SGCD: variants seen among roughly 807,000 people sequenced by gnomAD.
SGCD encodes sarcoglycan delta.
In SGCD, 18 loss-of-function variants were observed where a neutral mutation model predicts 36.6. That is an observed-to-expected ratio of 0.49 (90% CI 0.34 to 0.73). The LOEUF is 0.73. Among genes scored for constraint, SGCD ranks in the 30% least tolerant of loss-of-function variants. SGCD has a pLI of 0.01. For missense variants in SGCD, 387 were observed against 346.7 expected (o/e 1.12, Z -0.92); for synonymous variants, 133 against 130.6 (o/e 1.02, Z -0.12).
chr5:156,744,064 C>T (rs1196609318), intron 7 of SGCD, among the ~76,000 whole-genome samples: 1 of 152,234 alleles, frequency 6.6e-6, no homozygotes, highest in African/African-American at 2.4e-5. Flanking sequence ...TGGTGCACAC[C>T]TGTAATCCCA....
chr5:155,949,789 G>A (rs370626126), intron 1 of SGCD, among the ~76,000 whole-genome samples: 14 of 152,102 alleles, frequency 9.2e-5, no homozygotes, highest in South Asian at 6.2e-4. Context: ...CACCTGGCCC[G>A]CAAAGCTGAA....
intron 4 of SGCD, among the ~76,000 whole-genome samples, chr5:156,545,335 C>T (rs1758526932): frequency 6.6e-6 from 1 of 152,110 alleles, no homozygotes; most frequent in Non-Finnish European, 1.5e-5. Flanking sequence ...CTAATCCCAG[C>T]ACTGCCACTG....
the SGCD span, among the ~76,000 whole-genome samples, chr5:155,818,838 C>A: frequency 0.51 from 77,583 of 152,030 alleles, 20,191 homozygotes; most frequent in Admixed American, 0.66. Context: ...GAGATACTTA[C>A]GGAGAGTGAC....
intron 3 of SGCD, among the ~76,000 whole-genome samples, chr5:156,298,885 T>C (rs1365319058): frequency 1.3e-5 from 2 of 152,218 alleles, no homozygotes; most frequent in African/African-American, 4.8e-5. Context: ...TTTTCTTTCA[T>C]TGTTTGAGTT....
intron 7 of SGCD, among the ~76,000 whole-genome samples, chr5:156,669,812 CT>C (rs1753213256): frequency 6.6e-6 from 1 of 152,192 alleles, no homozygotes; most frequent in Admixed American, 6.5e-5. Context: ...TTGATTGTAA[CT>C]GTGATCCATA....
At chr5:155,952,159 ATT>A (rs2113432480) in intron 1 of SGCD, among the ~76,000 whole-genome samples, 1 of 152,254 alleles carries the variant, frequency 6.6e-6, no homozygotes, top group South Asian at 2.1e-4. Context: ...GATTCATAAA[ATT>A]TGTGCTGGAG....
intron 3 of SGCD, among the ~76,000 whole-genome samples, chr5:156,226,385 C>T (rs377759268): frequency 2.1e-4 from 32 of 152,230 alleles, no homozygotes; most frequent in Middle Eastern, 6.8e-3. Context: ...CAGGTCACTG[C>T]GACTGCCATT....
At chr5:155,999,842 T>C (rs1758627796) in intron 1 of SGCD, among the ~76,000 whole-genome samples, 1 of 152,244 alleles carries the variant, frequency 6.6e-6, no homozygotes, top group South Asian at 2.1e-4. Flanking sequence ...ATTGACTTTT[T>C]TGTATTCTGT....
At chr5:156,029,618 T>TGC (rs1759299566) in intron 1 of SGCD, among the ~76,000 whole-genome samples, 9 of 152,120 alleles carry the variant, frequency 5.9e-5, no homozygotes, top group Admixed American at 5.9e-4. Flanking sequence ...AGAAACAGAA[T>TGC]TTAGAAGCCA....
chr5:155,975,248 C>T (rs1303432808), intron 1 of SGCD, among the ~76,000 whole-genome samples: 1 of 152,158 alleles, frequency 6.6e-6, no homozygotes, highest in Non-Finnish European at 1.5e-5. Context: ...TTATTGAAGG[C>T]CTATTGGGGG....
At chr5:155,891,188 T>C (rs1756121126) in intron 1 of SGCD, among the ~76,000 whole-genome samples, 1 of 152,190 alleles carries the variant, frequency 6.6e-6, no homozygotes, top group Admixed American at 6.5e-5. Flanking sequence ...CAGATCCACT[T>C]TCTGGGCCCT....
chr5:156,690,644 A>G (rs980425616), intron 7 of SGCD, among the ~76,000 whole-genome samples: 1 of 152,188 alleles, frequency 6.6e-6, no homozygotes, highest in Non-Finnish European at 1.5e-5. Context: ...ACAATTATAA[A>G]TAGAAGACAT....
chr5:156,539,501 C>T (rs749907645), intron 4 of SGCD, among the ~76,000 whole-genome samples: 4 of 151,948 alleles, frequency 2.6e-5, no homozygotes, highest in Non-Finnish European at 4.4e-5. Context: ...TAAGTGAGGA[C>T]ATAGGATATT....
chr5:156,430,782 G>A (rs758289460), intron 3 of SGCD, among the ~76,000 whole-genome samples: 1 of 152,078 alleles, frequency 6.6e-6, no homozygotes, highest in African/African-American at 2.4e-5. Context: ...GGGATTATTT[G>A]TGTGCTGGCT....
chr5:156,631,673 A>G (rs987466880), intron 6 of SGCD, among the ~76,000 whole-genome samples: 5 of 152,038 alleles, frequency 3.3e-5, no homozygotes, highest in Non-Finnish European at 4.4e-5. Flanking sequence ...TCTTATACCA[A>G]TTCACGTTAG....
intron 1 of SGCD, among the ~76,000 whole-genome samples, chr5:156,030,330 G>T (rs1190232971): frequency 6.6e-6 from 1 of 152,186 alleles, no homozygotes; most frequent in Admixed American, 6.5e-5. Flanking sequence ...GGGTAAGAGT[G>T]AGTCCTAATC....
intron 1 of SGCD, among the ~76,000 whole-genome samples, chr5:155,924,588 A>T (rs1021253467): frequency 3.9e-5 from 6 of 152,220 alleles, no homozygotes; most frequent in African/African-American, 1.4e-4. Context: ...GAAGAGTGGA[A>T]TGAATTGTTA....
At chr5:155,928,443 G>T (rs1246688010) in intron 1 of SGCD, among the ~76,000 whole-genome samples, 1 of 151,984 alleles carries the variant, frequency 6.6e-6, no homozygotes, top group Non-Finnish European at 1.5e-5. Context: ...CAGGGTGGGT[G>T]GATCTCCTGA....
intron 3 of SGCD, among the ~76,000 whole-genome samples, chr5:156,491,692 A>G (rs1406492723): frequency 1.3e-5 from 2 of 152,072 alleles, no homozygotes; most frequent in Non-Finnish European, 2.9e-5. Flanking sequence ...AAACCTAACT[A>G]GAAGCACCCT....
Sources: gnomAD v4.1 joint callset for allele counts (sites outside exome capture counted in the v4.1 genomes callset) on GRCh38, gnomAD v4.1.1 for gene constraint, MANE v1.5 for transcripts, NCBI Gene and HGNC (gene_info 2026-07-23, HGNC 2026-07-21) for gene names.